The following ABCC11 variants were observed in gnomAD, a reference collection of about 807,000 sequenced individuals.
ABCC11 encodes the protein ATP binding cassette subfamily C member 11, also known as ATP-binding cassette sub-family C member 11.
A neutral mutation model predicts 149.3 loss-of-function variants in ABCC11; 135 were observed. The ratio of observed to expected loss-of-function variants is 0.90; its 90% CI spans 0.79 to 1.04. The LOEUF (loss-of-function observed/expected upper bound fraction) is 1.04. Among genes scored for constraint, ABCC11 ranks in the 50% least tolerant of loss-of-function variants. ABCC11 has a pLI of 0.00. For synonymous variants in ABCC11, 665 were observed against 671.4 expected (o/e 0.99, Z 0.15); for missense variants, 1,680 against 1,722.1 (o/e 0.98, Z 0.43).
At chr16:48,217,482 G>A (rs1969428458) in intron 6 of ABCC11, among the ~76,000 whole-genome samples, 1 of 152,190 alleles carries the variant, frequency 6.6e-6, no homozygotes, top group South Asian at 2.1e-4. Context: ...TGTAGTCCCA[G>A]CTTCTCAGGA....
chr16:48,187,149 G>A, intron 21 of ABCC11, 52 bp downstream of exon 21: 1 of 1,613,362 alleles, frequency 6.2e-7, no homozygotes, highest in Admixed American at 1.7e-5. Context: ...CATCTAGTCT[G>A]GGTTGGTCCC....
rs374630838 is a variant in ABCC11, at chr16:48,170,951, A to C, written c.3715T>G (p.Phe1239Val). ...SGTIRFNLDP[F>V]DRHTDQQIWD... Reference sequence around the variant, plus strand: ...ATCTGCTGGTCAGTGTGACGGTCAAAGGGATCTAGGTTGAATCTACCATAT... The same window carrying C: ...ATCTGCTGGTCAGTGTGACGGTCAACGGGATCTAGGTTGAATCTACCATAT... Residue 1239 changes from phenylalanine (F) to valine (V), a missense_variant, in exon 27 of 30, where the codon TTT (phenylalanine) becomes GTT (valine). Coordinates refer to ENST00000356608, the MANE Select transcript of ABCC11 (RefSeq NM_001370497.1). 2.5e-6 allele frequency: 4 copies of C among 1,613,378 alleles called. No individual in the cohort carries two copies. The African/African-American group carries it at 4.0e-5, about 16-fold the overall frequency.
At chr16:48,226,271 C>CTTTT (rs34235862) in intron 4 of ABCC11, among the ~76,000 whole-genome samples, 4 of 119,500 alleles carry the variant, frequency 3.3e-5, no homozygotes, top group Non-Finnish European at 3.5e-5. Flanking sequence ...TTATGATCCA[C>CTTTT]TTTTTTTTTT....
intron 1 of ABCC11, among the ~76,000 whole-genome samples, chr16:48,240,940 T>G (rs1335004511): frequency 1.3e-5 from 2 of 152,034 alleles, no homozygotes; most frequent in East Asian, 1.9e-4. Context: ...ATCACTTTTT[T>G]TTTTATTTTT....
intron 6 of ABCC11, among the ~76,000 whole-genome samples, chr16:48,221,534 A>T (rs73546410): frequency 0.027 from 4,052 of 152,078 alleles, 177 homozygotes; most frequent in African/African-American, 0.092. Flanking sequence ...GGAAATTAAA[A>T]CTCTGAGATG....
intron 23 of ABCC11, among the ~76,000 whole-genome samples, chr16:48,180,235 G>A (rs1966343965): frequency 1.3e-5 from 2 of 152,252 alleles, no homozygotes; most frequent in South Asian, 4.1e-4. Flanking sequence ...TCAGATGGGT[G>A]TATTCTTGAA....
At chr16:48,187,820 T>C (rs1157095860) in intron 20 of ABCC11, among the ~76,000 whole-genome samples, 1 of 152,044 alleles carries the variant, frequency 6.6e-6, no homozygotes, top group Non-Finnish European at 1.5e-5. Flanking sequence ...GAGAATACAT[T>C]AAAAATGCTC....
intron 1 of ABCC11, among the ~76,000 whole-genome samples, chr16:48,242,116 G>A (rs2150942568): frequency 6.6e-6 from 1 of 152,284 alleles, no homozygotes; most frequent in South Asian, 2.1e-4. Context: ...GCAACCTACA[G>A]AATGGAAGAA....
At chr16:48,246,868 C>T (rs937426655) in intron 1 of ABCC11, among the ~76,000 whole-genome samples, 1 of 152,090 alleles carries the variant, frequency 6.6e-6, no homozygotes, top group Admixed American at 6.6e-5. Flanking sequence ...GCCACCATAC[C>T]CTTCAGGTTT....
In ABCC11 at chr16:48,230,421, C is replaced by G. The variant is rs201785567; in HGVS notation, c.236+16G>C. The G allele has an allele frequency of 6.3e-6, 10 of 1,582,290 alleles. No individual in the cohort carries two copies. The highest frequency in any genetic ancestry group is 6.9e-6 in the Non-Finnish European group (8 of 1,165,110). ...GGTGGATACAGCTCTCTCCCACCAC[C>G]CCCATCAGGACTCACCTCGGCTTGG... On this transcript the variant is annotated intron_variant, in intron 3 of 29. Coordinates refer to ENST00000356608, the MANE Select transcript of ABCC11 (RefSeq NM_001370497.1).
intron 26 of ABCC11, 64 bp from the exon 27 acceptor site, chr16:48,171,031 T>G (rs1303914724): frequency 1.5e-6 from 2 of 1,349,210 alleles, no homozygotes; most frequent in Admixed American, 1.7e-5. Flanking sequence ...CTCATTTATA[T>G]GCCCAGTGAA....
Position 48,193,969 on chromosome 16 carries a change from A to G in ABCC11, c.2418T>C (p.Ser806=), listed in dbSNP as rs769631327. The change falls in exon 19 of 30, where the codon TCT becomes TCC. Residue 806 remains serine, a synonymous_variant. Transcript: ENST00000356608. ...GCACCACGAAGAAGAAAATTATGCA[A>G]GAGACCATGTAACCTGGGAGGGAGA... ...YIQAAGGYMV[S]CIIFFFVVLI... 2 of 1,612,740 alleles carry G rather than the reference A, an allele frequency of 1.2e-6. No individual in the cohort carries two copies. The highest frequency in any genetic ancestry group is 8.5e-7 in the Non-Finnish European group (1 of 1,178,854).
At chr16:48,229,295 G>A (rs1970277550) in intron 3 of ABCC11, among the ~76,000 whole-genome samples, 1 of 151,928 alleles carries the variant, frequency 6.6e-6, no homozygotes, top group Non-Finnish European at 1.5e-5. Context: ...CTTTGTTCTT[G>A]GTGGAGATAA....
intron 4 of ABCC11, among the ~76,000 whole-genome samples, chr16:48,227,167 G>A (rs1360524291): frequency 1.3e-5 from 2 of 152,222 alleles, no homozygotes; most frequent in South Asian, 4.1e-4. Context: ...AAAGGGACTA[G>A]AAGTGGTCAT....
intron 23 of ABCC11, among the ~76,000 whole-genome samples, chr16:48,182,582 A>T (rs1348278727): frequency 6.6e-6 from 1 of 152,166 alleles, no homozygotes; most frequent in East Asian, 1.9e-4. Context: ...GATCGAGACC[A>T]TCCTGGCTAA....
chr16:48,222,926 G>A, intron 5 of ABCC11, 95 bp from the exon 6 acceptor site: 1 of 1,070,906 alleles, frequency 9.3e-7, no homozygotes. Context: ...TCTGATTCAT[G>A]CTGGGGGTTT....
intron 22 of ABCC11, 89 bp from the exon 23 acceptor site, chr16:48,184,715 C>T: frequency 7.5e-7 from 1 of 1,337,096 alleles, no homozygotes; most frequent in Non-Finnish European, 1.0e-6. Flanking sequence ...CTTCCTCCAG[C>T]ATCCAGTTCC....
chr16:48,182,964 G>A (rs1175104607), intron 23 of ABCC11, among the ~76,000 whole-genome samples: 2 of 152,216 alleles, frequency 1.3e-5, no homozygotes, highest in Admixed American at 1.3e-4. Context: ...ATGTGTAAAT[G>A]TGAGACTTAA....
At chr16:48,190,956 A>G (rs1251874639) in intron 20 of ABCC11, among the ~76,000 whole-genome samples, 1 of 152,170 alleles carries the variant, frequency 6.6e-6, no homozygotes, top group Non-Finnish European at 1.5e-5. Flanking sequence ...CATTTTAGAA[A>G]AGGCAAAGCT....
Sources: gnomAD v4.1 joint callset for allele counts (sites outside exome capture counted in the v4.1 genomes callset) on GRCh38, gnomAD v4.1.1 for gene constraint, MANE v1.5 for transcripts, NCBI Gene and HGNC (gene_info 2026-07-23, HGNC 2026-07-21) for gene names.